The following RASA3 variants were observed in gnomAD, a reference collection of about 807,000 sequenced individuals.
The protein encoded by RASA3 is ras GTPase-activating protein 3.
In RASA3, 73 loss-of-function variants were observed where a neutral mutation model predicts 110.0. The observed-to-expected ratio is 0.66, with a 90% CI of 0.55 to 0.81. The LOEUF is 0.81. Among genes scored for constraint, RASA3 ranks in the 30% least tolerant of loss-of-function variants. The pLI is 0.00. For missense variants in RASA3, 976 were observed against 1,113.2 expected, an observed-to-expected ratio of 0.88 and a Z score of 1.75; for synonymous variants, 500 against 451.4, an observed-to-expected ratio of 1.11 and a Z score of -1.37.
intron 1 of RASA3, among the ~76,000 whole-genome samples, chr13:114,124,768 G>C (rs2080423436): frequency 6.6e-6 from 1 of 152,238 alleles, no homozygotes; most frequent in South Asian, 2.1e-4. Context: ...ACAGCACATT[G>C]TCTTGAATGA....
chr13:114,013,834 G>C lies in RASA3; in HGVS notation c.1406-586C>G, dbSNP rs1280930520. Among the ~76,000 whole-genome samples the C allele has an allele frequency of 1.3e-4, 12 of 92,342 alleles. 1 individual carries two copies. In the South Asian group the frequency reaches 3.1e-3, roughly 24 times the overall value. 60.6% of individuals were successfully genotyped at this position (92,342 alleles called of 152,430 possible). On this transcript the variant is annotated intron_variant, in intron 14 of 23. Transcript: ENST00000334062. ...TCTCCCCGTCTCTTTCTCTCCGTCTGTCTCTCTCTCCATCTCTCTGTCTCT... is the reference window on the plus strand; with the variant it reads ...TCTCCCCGTCTCTTTCTCTCCGTCTCTCTCTCTCTCCATCTCTCTGTCTCT...
chr13:114,029,775 G>A (rs193199342), intron 5 of RASA3, 36 bp downstream of exon 5: 12 of 1,557,220 alleles, frequency 7.7e-6, no homozygotes, highest in East Asian at 7.1e-5. Context: ...CATGCCACTC[G>A]CTGTGCGCTC....
rs971741080 is a variant in RASA3, at chr13:114,096,462, G to A, written c.56-22625C>T. Among the ~76,000 whole-genome samples the A allele has an allele frequency of 6.6e-6, 1 of 152,072 alleles. No homozygotes were observed. The highest frequency in any genetic ancestry group is 1.9e-4 in the East Asian group (1 of 5,192). ...CTGCCTGAAGCCACCTTCTCATAGC[G>A]CTCAGTACTGGGGACCCTGGCCGGG... On this transcript the variant is annotated intron_variant, in intron 1 of 23. Transcript: ENST00000334062. This position sits in a 1 kb window ranked among gnomAD's most constrained non-coding sequence, Gnocchi z 5.1.
intron 1 of RASA3, among the ~76,000 whole-genome samples, chr13:114,118,348 G>A (rs914515052): frequency 5.9e-5 from 9 of 152,122 alleles, no homozygotes; most frequent in Admixed American, 2.0e-4. Context: ...CATTTTAGTG[G>A]GTGGGGAAGC....
chr13:114,036,641 G>A (rs1212912212), intron 4 of RASA3, among the ~76,000 whole-genome samples: 6 of 152,144 alleles, frequency 3.9e-5, no homozygotes, highest in Non-Finnish European at 5.9e-5. Context: ...GGGTTCAAGC[G>A]ATTCTCCTGC....
rs147835822 is a variant in RASA3 at position 114,096,228 on chromosome 13, G to T, written c.56-22391C>A. On this transcript the variant is annotated intron_variant, in intron 1 of 23. Coordinates refer to ENST00000334062, the MANE Select transcript of RASA3 (RefSeq NM_007368.4). The surrounding 1 kb of genome is among the most constrained non-coding windows in gnomAD (Gnocchi z 5.1). ...GGAAGGGAGTGCGCAGGCCCACCCC[G>T]GCGTGCTGCCTGGGAGTCCACGTTC... Among the ~76,000 whole-genome samples, 330 of 152,262 alleles carry T rather than the reference G, an allele frequency of 2.2e-3. No homozygotes were observed. Among genetic ancestry groups the T allele is most frequent in the African/African-American group, 7.8e-3 (324 of 41,544 alleles).
chr13:114,001,075 T>A lies in RASA3; in HGVS notation c.1743-143A>T, dbSNP rs189214319. 1,948 of 635,210 alleles carry A rather than the reference T, an allele frequency of 3.1e-3. 13 individuals are homozygous for A. Among genetic ancestry groups the A allele is most frequent in the Admixed American group, 3.3e-3 (124 of 37,348 alleles). 39.3% of individuals were successfully genotyped at this position (635,210 alleles called of 1,614,324 possible). ...TATCTTATCATTTTACTCCGAGTGA[T>A]GAGATTAAAATTGGAAGGCAATGCC... On this transcript the variant is annotated intron_variant, in intron 18 of 23. Coordinates refer to ENST00000334062, the MANE Select transcript of RASA3 (RefSeq NM_007368.4).
chr13:114,124,763 A>C (rs2080423292), intron 1 of RASA3, among the ~76,000 whole-genome samples: 1 of 152,356 alleles, frequency 6.6e-6, no homozygotes, highest in South Asian at 2.1e-4. Flanking sequence ...CCCACACAGC[A>C]CATTGTCTTG....
intron 1 of RASA3, among the ~76,000 whole-genome samples, chr13:114,127,402 C>T (rs2080465577): frequency 6.6e-6 from 1 of 152,190 alleles, no homozygotes; most frequent in African/African-American, 2.4e-5. Context: ...CTTAAAGGAT[C>T]ACCTCTGCAT....
chr13:114,015,188 G>A, intron 14 of RASA3, 21 bp downstream of exon 14: 2 of 1,612,508 alleles, frequency 1.2e-6, no homozygotes, highest in Non-Finnish European at 1.7e-6. Flanking sequence ...TCAGCAACAT[G>A]AGGGTGTTCA....
At chr13:113,993,394 T>G (rs1208941860) in intron 21 of RASA3, among the ~76,000 whole-genome samples, 2 of 151,514 alleles carry the variant, frequency 1.3e-5, no homozygotes, top group East Asian at 4.0e-4. Flanking sequence ...CAGGCTGGTC[T>G]TGAACTCCTG....
chr13:114,097,958 CGA>C (rs1432082604), intron 1 of RASA3, among the ~76,000 whole-genome samples: 8 of 152,152 alleles, frequency 5.3e-5, no homozygotes, highest in African/African-American at 9.7e-5. Context: ...AGACCACCAG[CGA>C]GAGAGTGGAT....
intron 2 of RASA3, among the ~76,000 whole-genome samples, chr13:114,058,421 G>A (rs536876748): frequency 5.9e-5 from 9 of 152,358 alleles, no homozygotes; most frequent in African/African-American, 1.9e-4. Flanking sequence ...TCAGCTCCTC[G>A]GGTGCTCACC....
At chr13:114,030,382 ACT>A (rs1367029525) in intron 4 of RASA3, among the ~76,000 whole-genome samples, 1 of 122,546 alleles carries the variant, frequency 8.2e-6, no homozygotes, top group Non-Finnish European at 1.9e-5. Flanking sequence ...AGAGGGCAAG[ACT>A]CACACAGGAG....
At position 114,052,155 on chromosome 13, in the gene RASA3, G is replaced by A; in HGVS notation, c.174C>T (p.Cys58=). ...AGTAAAAGTCTTCTCCGTAAAACGG[G>A]CTAGTGAGACAAAGAAAAGCGCCAG... The part of the protein sequence containing the change: ...FRTKIVEKSL[C]PFYGEDFYCE... Residue 58 remains cysteine (C), a splice_region_variant and synonymous_variant, in exon 3 of 24, where the codon TGC becomes TGT. Transcript: ENST00000334062. 1.2e-6 allele frequency: 2 copies of A among 1,608,274 alleles called. No individual in the cohort carries two copies. Among genetic ancestry groups the A allele is most frequent in the South Asian group, 1.1e-5 (1 of 90,896 alleles).
rs1047441676 is a variant in RASA3, at chr13:114,114,925, G to A, written c.55+17510C>T. 2.0e-5 allele frequency among the ~76,000 whole-genome samples: 3 copies of A among 152,038 alleles called. No individual in the cohort carries two copies. Among genetic ancestry groups the A allele is most frequent in the Admixed American group, 6.5e-5 (1 of 15,270 alleles). On this transcript the variant is annotated intron_variant, in intron 1 of 23. Coordinates refer to ENST00000334062, the MANE Select transcript of RASA3 (RefSeq NM_007368.4). This position sits in a 1 kb window ranked among gnomAD's most constrained non-coding sequence, Gnocchi z 4.8. The stretch of plus-strand genomic sequence containing the variant: ...AAATTCCCGGGCACGACCCCTGGCC[G>A]TGGGTGAAAGCACCCCCAGCCCCAC...
intron 21 of RASA3, among the ~76,000 whole-genome samples, chr13:113,993,116 T>C (rs1366413651): frequency 2.0e-5 from 3 of 152,192 alleles, no homozygotes; most frequent in African/African-American, 7.2e-5. Flanking sequence ...CCAGACCTCA[T>C]GTGGTTTATT....
intron 8 of RASA3, among the ~76,000 whole-genome samples, chr13:114,023,244 G>A (rs866118759): frequency 6.2e-5 from 7 of 112,974 alleles, no homozygotes; most frequent in East Asian, 1.9e-4. Context: ...TCCCAGGCTC[G>A]GGGACATCCC....
chr13:114,014,625 C>A lies in RASA3; in HGVS notation c.1405+584G>T, dbSNP rs1209348570. 6.6e-6 allele frequency among the ~76,000 whole-genome samples: 1 copy of A among 152,094 alleles called. No homozygotes were observed. The highest frequency in any genetic ancestry group is 1.5e-5 in the Non-Finnish European group (1 of 68,006). On this transcript the variant is annotated intron_variant, in intron 14 of 23. Transcript: ENST00000334062. This position sits in a 1 kb window ranked among gnomAD's most constrained non-coding sequence, Gnocchi z 4.5. ...GGTGGGTGCAGGCACCCAGCTCCTC[C>A]CTGAGGGTCGGCAAGGTTGAGAAGT...
Sources: allele counts gnomAD v4.1 joint callset (sites outside exome capture counted in the v4.1 genomes callset), GRCh38; gene constraint gnomAD v4.1.1; non-coding constraint Gnocchi (gnomAD v3.1); transcripts MANE v1.5; gene names NCBI Gene and HGNC (gene_info 2026-07-23, HGNC 2026-07-21).